The following RBBP8NL variants were observed in gnomAD, a reference collection of about 807,000 sequenced individuals.
The protein encoded by RBBP8NL is RBBP8 N-terminal like, also known as RBBP8 N-terminal-like protein.
RBBP8NL carries 59 observed loss-of-function variants against 62.2 expected under a neutral mutation model. That is an observed-to-expected ratio of 0.95 (90% CI 0.77 to 1.18). RBBP8NL has a LOEUF of 1.18. Among genes scored for constraint, RBBP8NL ranks in the 50% most tolerant of loss-of-function variants. The probability of loss-of-function intolerance (pLI) is 0.00; values close to 1 mark genes in which losing one functional copy is unlikely to be tolerated. For missense variants in RBBP8NL, 896 were observed against 899.5 expected (o/e 1.00, Z 0.05); for synonymous variants, 412 against 394.1 (o/e 1.05, Z -0.54).
chr20:62,414,839 C>T (rs1036376986), intron 9 of RBBP8NL, among the ~76,000 whole-genome samples: 2 of 152,204 alleles, frequency 1.3e-5, no homozygotes, highest in African/African-American at 4.8e-5. Flanking sequence ...TTGGCAGGGA[C>T]ATCGGCCCCC....
Position 62,410,896 on chromosome 20 carries a change from G to A in RBBP8NL, c.1977C>T (p.Ser659=), listed in dbSNP as rs760359928. 6.2e-6 allele frequency: 10 copies of A among 1,612,506 alleles called. No individual in the cohort carries two copies. In the South Asian group the frequency reaches 8.8e-5, roughly 14 times the overall value. ...AGGCTGGCTAGGTCTCCTCCCAGGG[G>A]CTGCTGTTGGGGGAGGGACTGTGGT... ...AEDHSPSPNS[S]PWEET Residue 659 remains serine, a synonymous_variant, in exon 14 of 14, where the codon AGC becomes AGT. Transcript: ENST00000252998.
intron 7 of RBBP8NL, 33 bp from the exon 8 acceptor site, chr20:62,415,693 G>C (rs762198784): frequency 9.3e-6 from 15 of 1,611,544 alleles, no homozygotes; most frequent in Non-Finnish European, 1.3e-5. Context: ...CAAGAGCTTG[G>C]GAGGTGCTCA....
chr20:62,410,486 T>C lies in RBBP8NL; in HGVS notation c.*392A>G, dbSNP rs1050123992. 2.9e-5 allele frequency: 6 copies of C among 210,232 alleles called. No homozygotes were observed. The highest frequency in any genetic ancestry group is 5.7e-5 in the Non-Finnish European group (6 of 104,714). The allele number at this position is 210,232 out of a possible 1,614,324, so 13.0% of individuals were successfully genotyped here. On this transcript the variant is annotated 3_prime_UTR_variant, in exon 14 of 14. Transcript: ENST00000252998. ...GCAGGGGTAGGGCTGGGCTGGAGCC[T>C]GAGTGATCCCGCCTCCAGTCCCCAC...
intron 1 of RBBP8NL, among the ~76,000 whole-genome samples, chr20:62,423,799 G>A (rs1988755140): frequency 6.6e-6 from 1 of 152,164 alleles, no homozygotes; most frequent in African/African-American, 2.4e-5. Flanking sequence ...GGAGGTGGAG[G>A]GAAGTTGCAA....
chr20:62,424,465 G>A (rs1162483953), intron 1 of RBBP8NL, among the ~76,000 whole-genome samples: 1 of 152,182 alleles, frequency 6.6e-6, no homozygotes, highest in Non-Finnish European at 1.5e-5. Flanking sequence ...ACCCAGGCCG[G>A]CAGCTCCGCC....
chr20:62,412,777 CGAG>C (rs1569023236), intron 12 of RBBP8NL, 24 bp from the exon 13 acceptor site: 1 of 1,612,966 alleles, frequency 6.2e-7, no homozygotes. Flanking sequence ...GGTGTGGTCA[CGAG>C]GAGGACTGCC....
rs1395844940 is a variant in RBBP8NL at position 62,414,084 on chromosome 20, C to T, written c.1267G>A (p.Gly423Ser). 5.0e-6 allele frequency: 8 copies of T among 1,593,006 alleles called. No homozygotes were observed. Among genetic ancestry groups the T allele is most frequent in the Non-Finnish European group, 6.8e-6 (8 of 1,171,818 alleles). The change falls in exon 10 of 14, where the codon GGC (glycine) becomes AGC (serine). Residue 423 changes from glycine to serine, a missense_variant. Transcript: ENST00000252998. ...GGRHTQPAGPGRAQRTEAAAT... is the reference protein window; with the variant it reads ...GGRHTQPAGPSRAQRTEAAAT... ...GCAGCCTCTGTCCTCTGGGCGCGGC[C>T]CGGGCCTGCAGGCTGTGTGTGCCGC...
chr20:62,423,779 G>C (rs368036897), intron 1 of RBBP8NL, among the ~76,000 whole-genome samples: 2 of 152,310 alleles, frequency 1.3e-5, no homozygotes, highest in East Asian at 1.9e-4. Flanking sequence ...AGAGCTCCGG[G>C]GAAGGGATGG....
At chr20:62,426,435 T>TGGGCACATGCATGTGGCCG (rs1988810794) in intron 1 of RBBP8NL, among the ~76,000 whole-genome samples, 1 of 152,242 alleles carries the variant, frequency 6.6e-6, no homozygotes, top group South Asian at 2.1e-4. Flanking sequence ...ATAGCTAGGT[T>TGGGCACATGCATGTGGCCG]GGGCACATGC....
At chr20:62,418,383 G>T (rs776032237) in intron 3 of RBBP8NL, 40 bp downstream of exon 3, 51 of 1,540,710 alleles carry the variant, frequency 3.3e-5, no homozygotes, top group Non-Finnish European at 4.2e-5. Context: ...AGTGGCCAGT[G>T]TGGTCCCTGT....
Position 62,410,840 on chromosome 20 carries a change from G to A in RBBP8NL, c.*38C>T. ...CCAGGCCCTGGTGGGCAGGTGGAGGGCTGCCCCGGGCTCGCTGTGGACCCT... is the reference window on the plus strand; with the variant it reads ...CCAGGCCCTGGTGGGCAGGTGGAGGACTGCCCCGGGCTCGCTGTGGACCCT... On this transcript the variant is annotated 3_prime_UTR_variant, in exon 14 of 14. Coordinates refer to ENST00000252998, the MANE Select transcript of RBBP8NL (RefSeq NM_080833.3). 3 of 1,426,696 alleles carry A rather than the reference G, an allele frequency of 2.1e-6. No individual in the cohort carries two copies. Among genetic ancestry groups the A allele is most frequent in the Non-Finnish European group, 2.9e-6 (3 of 1,017,128 alleles). The allele number at this position is 1,426,696 out of a possible 1,614,324, so 88.4% of individuals were successfully genotyped here. A position where few individuals can be genotyped will look rare whatever the true frequency, so the allele number is the denominator to read the frequency against.
chr20:62,413,750 G>T (rs1028435657), intron 10 of RBBP8NL, 71 bp downstream of exon 10: 116 of 1,505,658 alleles, frequency 7.7e-5, no homozygotes, highest in Non-Finnish European at 9.7e-5. Flanking sequence ...CCGAGGTCTG[G>T]GGGGAGGCCG....
chr20:62,416,099 C>T (rs1988558436), intron 6 of RBBP8NL, 65 bp downstream of exon 6: 1 of 1,524,190 alleles, frequency 6.6e-7, no homozygotes, highest in South Asian at 1.2e-5. Flanking sequence ...GGGACGTGTG[C>T]TGGGTGCTGC....
Position 62,414,162 on chromosome 20 carries a change from G to A in RBBP8NL, c.1189C>T (p.Pro397Ser). 6.2e-7 allele frequency: 1 copy of A among 1,608,526 alleles called. No individual in the cohort carries two copies. The highest frequency in any genetic ancestry group is 8.5e-7 in the Non-Finnish European group (1 of 1,178,940). Residue 397 changes from proline (P) to serine (S), a missense_variant, in exon 10 of 14, where the codon CCT (proline) becomes TCT (serine). Physicochemically the swap from Pro to Ser is moderately conservative, Grantham distance 74 (BLOSUM62 -1). Coordinates refer to ENST00000252998, the MANE Select transcript of RBBP8NL (RefSeq NM_080833.3). ...SLPVGSDSEG[P>S]ENEGTRAALA... ...GCTGCCCTGGTCCCCTCATTCTCAGGGCCCTCAGAGTCTGAGCCGACTGGT... is the reference window on the plus strand; with the variant it reads ...GCTGCCCTGGTCCCCTCATTCTCAGAGCCCTCAGAGTCTGAGCCGACTGGT...
chr20:62,419,844 T>G, intron 1 of RBBP8NL, 114 bp from the exon 2 acceptor site: 1 of 587,046 alleles, frequency 1.7e-6, no homozygotes, highest in Non-Finnish European at 3.0e-6. Flanking sequence ...CATGCCATGC[T>G]GTAGGGGCTA....
Position 62,413,410 on chromosome 20 carries a change from C to T in RBBP8NL, c.1666G>A (p.Gly556Ser), listed in dbSNP as rs146380394. ...PPHPQPPDLD[G>S]HPEPSKAEVL... ...CAGGTGCTGACTGTACCTGGGTGGCCGTCCAGGTCAGGCGGCTGTGGGTGG... is the reference window on the plus strand; with the variant it reads ...CAGGTGCTGACTGTACCTGGGTGGCTGTCCAGGTCAGGCGGCTGTGGGTGG... Residue 556 changes from glycine (G) to serine (S), a missense_variant, in exon 11 of 14, where the codon GGC becomes AGC. Transcript: ENST00000252998. 22 of 1,444,294 alleles carry T rather than the reference C, an allele frequency of 1.5e-5. No homozygotes were observed. The highest frequency in any genetic ancestry group is 1.5e-4 in the African/African-American group (10 of 68,398). 89.5% of individuals were successfully genotyped at this position (1,444,294 alleles called of 1,614,324 possible).
chr20:62,411,097 A>T, intron 13 of RBBP8NL, 101 bp from the exon 14 acceptor site: 1 of 759,080 alleles, frequency 1.3e-6, no homozygotes, highest in Non-Finnish European at 2.3e-6. Flanking sequence ...GGGCACGGGG[A>T]GCTGGGTGCT....
At position 62,415,560 on chromosome 20, in the gene RBBP8NL, C is replaced by A; in HGVS notation, c.627+18G>T. ...CCGGCCCAGCTGCACATGGTGGGCT[C>A]CCGGTCCCTGCCCTTACCATGTCTG... On this transcript the variant is annotated intron_variant, in intron 8 of 13. Coordinates refer to ENST00000252998, the MANE Select transcript of RBBP8NL (RefSeq NM_080833.3). 1.9e-6 allele frequency: 3 copies of A among 1,612,230 alleles called. No homozygotes were observed. Among genetic ancestry groups the A allele is most frequent in the South Asian group, 1.1e-5 (1 of 91,058 alleles).
chr20:62,415,220 C>A lies in RBBP8NL; in HGVS notation c.695G>T (p.Cys232Phe). The change falls in exon 9 of 14, where the codon TGC (cysteine) becomes TTC (phenylalanine). Residue 232 changes from cysteine to phenylalanine, a missense_variant. By Grantham distance (205) the Cys-to-Phe change is radical. Coordinates refer to ENST00000252998, the MANE Select transcript of RBBP8NL (RefSeq NM_080833.3). ...ATTGGCGGGGCCTCGGTCGGCAGGG[C>A]AAGCCTGGGACCCAGGCCGCACCAC... The part of the protein sequence containing the change: ...IAVVRPGSQA[C>F]PADRGPANGT... 6.5e-7 allele frequency: 1 copy of A among 1,534,612 alleles called. No individual in the cohort carries two copies. The highest frequency in any genetic ancestry group is 8.8e-7 in the Non-Finnish European group (1 of 1,142,218).
Sources: gnomAD v4.1 joint callset for allele counts (sites outside exome capture counted in the v4.1 genomes callset) on GRCh38, gnomAD v4.1.1 for gene constraint, MANE v1.5 for transcripts, NCBI Gene and HGNC (gene_info 2026-07-23, HGNC 2026-07-21) for gene names.